The following POLR2B variants were observed in gnomAD, a reference collection of about 807,000 sequenced individuals.
POLR2B encodes the protein RNA polymerase II subunit B.
In POLR2B, 57 loss-of-function variants were observed where a neutral mutation model predicts 144.6. The ratio of observed to expected loss-of-function variants is 0.39; its 90% CI spans 0.32 to 0.49. The LOEUF is 0.49. POLR2B is among the 20% of genes least tolerant of loss of function. The pLI, the probability that POLR2B is intolerant of heterozygous loss-of-function variation, is 0.83. For missense variants in POLR2B, 595 were observed against 1,467.4 expected (o/e 0.41, Z 9.71); for synonymous variants, 442 against 469.8 (o/e 0.94, Z 0.77).
At chr4:57,001,608 A>T (rs1195039242) in intron 7 of POLR2B, among the ~76,000 whole-genome samples, 2 of 152,208 alleles carry the variant, frequency 1.3e-5, no homozygotes, top group African/African-American at 4.8e-5. Flanking sequence ...TACTTAAGTA[A>T]TATTATATGC....
At chr4:57,001,295 A>C (rs2109674557) in intron 7 of POLR2B, among the ~76,000 whole-genome samples, 1 of 151,972 alleles carries the variant, frequency 6.6e-6, no homozygotes, top group South Asian at 2.1e-4. Context: ...AGTAGCTGGG[A>C]TTACAGGCAC....
Position 57,023,234 on chromosome 4 carries a change from T to C in POLR2B, c.2516-96T>C. Reference sequence around the variant, plus strand: ...AGGGTGTGATTCATGGTATAGAGACTCCTGTGGCCTTCTCTCTGACTTGGA... The same window carrying C: ...AGGGTGTGATTCATGGTATAGAGACCCCTGTGGCCTTCTCTCTGACTTGGA... On this transcript the variant is annotated intron_variant, in intron 18 of 24. Coordinates refer to ENST00000314595, the MANE Select transcript of POLR2B (RefSeq NM_000938.3). The surrounding 1 kb of genome is among the most constrained non-coding windows in gnomAD (Gnocchi z 4.3). 8.8e-7 allele frequency: 1 copy of C among 1,137,592 alleles called. No homozygotes were observed. The highest frequency in any genetic ancestry group is 1.3e-6 in the Non-Finnish European group (1 of 775,378). 70.5% of individuals were successfully genotyped at this position (1,137,592 alleles called of 1,614,324 possible). A position where few individuals can be genotyped will look rare whatever the true frequency, so the allele number is the denominator to read the frequency against.
At chr4:57,007,364 G>A (rs1723054700) in intron 10 of POLR2B, among the ~76,000 whole-genome samples, 1 of 151,992 alleles carries the variant, frequency 6.6e-6, no homozygotes, top group Non-Finnish European at 1.5e-5. Flanking sequence ...GCAGTGAGCT[G>A]AGATCATGCC....
chr4:56,986,443 C>T lies in POLR2B; in HGVS notation c.92+17C>T. ...TGTAATCAGGTAACTTTGGACCAAA[C>T]TGAATTAGCCTGAAAAGGCACTTTA... is the stretch of plus-strand genomic sequence containing the variant. On this transcript the variant is annotated intron_variant, in intron 2 of 24. Coordinates refer to ENST00000314595, the MANE Select transcript of POLR2B (RefSeq NM_000938.3). 6.5e-7 allele frequency: 1 copy of T among 1,527,522 alleles called. No homozygotes were observed. The highest frequency in any genetic ancestry group is 9.1e-7 in the Non-Finnish European group (1 of 1,102,224). 94.6% of individuals were successfully genotyped at this position (1,527,522 alleles called of 1,614,324 possible). A position where few individuals can be genotyped will look rare whatever the true frequency, so the allele number is the denominator to read the frequency against.
chr4:57,007,448 T>C (rs1032340434), intron 10 of POLR2B, among the ~76,000 whole-genome samples: 3 of 152,122 alleles, frequency 2.0e-5, no homozygotes, highest in Admixed American at 6.6e-5. Flanking sequence ...CTGGGGACTT[T>C]TGAATTATGA....
chr4:56,998,343 G>A (rs1015280287), intron 6 of POLR2B, among the ~76,000 whole-genome samples: 13 of 151,506 alleles, frequency 8.6e-5, no homozygotes, highest in African/African-American at 3.2e-4. Flanking sequence ...GATTACAGGC[G>A]TGTGCCACCA....
chr4:57,006,574 G>T (rs1723025246), intron 9 of POLR2B, among the ~76,000 whole-genome samples: 1 of 152,076 alleles, frequency 6.6e-6, no homozygotes, highest in Admixed American at 6.6e-5. Flanking sequence ...CAAAGTGCTG[G>T]GATTACAGAT....
intron 3 of POLR2B, among the ~76,000 whole-genome samples, chr4:56,991,510 T>C (rs960461238): frequency 6.6e-6 from 1 of 152,162 alleles, no homozygotes; most frequent in Non-Finnish European, 1.5e-5. Context: ...TTGGAACATA[T>C]TGGACTTTGA....
intron 10 of POLR2B, chr4:57,009,613 A>C (rs1376255776): frequency 6.6e-6 from 1 of 152,164 alleles, no homozygotes; most frequent in African/African-American, 2.4e-5. Context: ...GGTTTTTTAG[A>C]ATATTTGAAA....
Position 56,979,149 on chromosome 4 carries a change from G to A in POLR2B, c.19+145G>A. 19 of 854,600 alleles carry A rather than the reference G, an allele frequency of 2.2e-5. 1 individual carries two copies. The South Asian group carries it at 2.6e-4, about 12-fold the overall frequency. 52.9% of individuals were successfully genotyped at this position (854,600 alleles called of 1,614,324 possible). A position where few individuals can be genotyped will look rare whatever the true frequency, so the allele number is the denominator to read the frequency against. ...TTCCCACACTTACCAGGCCGGGAAC[G>A]AAACTGGGGTAGGGAGAGGCGGAGG... On this transcript the variant is annotated intron_variant, in intron 1 of 24. Coordinates refer to ENST00000314595, the MANE Select transcript of POLR2B (RefSeq NM_000938.3).
intron 6 of POLR2B, among the ~76,000 whole-genome samples, chr4:56,995,970 A>C (rs1578565263): frequency 6.6e-6 from 1 of 152,190 alleles, no homozygotes; most frequent in Admixed American, 6.5e-5. Flanking sequence ...GTTGCAAGTC[A>C]GTATGTCCAG....
At chr4:57,007,995 A>G (rs1723074779) in intron 10 of POLR2B, among the ~76,000 whole-genome samples, 1 of 152,182 alleles carries the variant, frequency 6.6e-6, no homozygotes, top group Non-Finnish European at 1.5e-5. Flanking sequence ...AGCAAAGTTA[A>G]TATTTAAATT....
Position 57,023,372 on chromosome 4 carries a change from T to G in POLR2B, c.2558T>G (p.Leu853Trp). Residue 853 changes from leucine to tryptophan, a missense_variant, in exon 19 of 25, where the codon TTG (leucine) becomes TGG (tryptophan). Around this residue, in one of 9 missense-constraint regions of POLR2B, gnomAD observed 75 missense variants for 100.0 expected, o/e 0.75. Transcript: ENST00000314595. The surrounding 1 kb of genome is among the most constrained non-coding windows in gnomAD (Gnocchi z 4.3). ...TACGACAAGCTGGATGATGATGGTT[T>G]GATAGCTCCAGGGGTTCGTGTATCA... ...AIYDKLDDDG[L>W]IAPGVRVSGD... The G allele has an allele frequency of 6.2e-7, 1 of 1,614,006 alleles. No individual in the cohort carries two copies. Among genetic ancestry groups the G allele is most frequent in the Non-Finnish European group, 8.5e-7 (1 of 1,179,884 alleles).
rs368976436 is a variant in POLR2B, at chr4:57,005,413, T to C, written c.1068T>C (p.Phe356=). 33 of 1,593,448 alleles carry C rather than the reference T, an allele frequency of 2.1e-5. No homozygotes were observed. The highest frequency in any genetic ancestry group is 2.6e-5 in the Non-Finnish European group (31 of 1,173,932). ...TCCCTCATGTTGGTGTCAGTGATTT[T>C]TGTGAGACCAAAAAAGCCTATTTCT... ...EMLPHVGVSD[F]CETKKAYFLG... is the part of the protein sequence containing the mutation. The change falls in exon 8 of 25, where the codon TTT becomes TTC. Residue 356 remains phenylalanine, a synonymous_variant. Coordinates refer to ENST00000314595, the MANE Select transcript of POLR2B (RefSeq NM_000938.3).
chr4:56,991,802 G>A (rs1186645511), intron 3 of POLR2B, among the ~76,000 whole-genome samples: 1 of 152,024 alleles, frequency 6.6e-6, no homozygotes, highest in Non-Finnish European at 1.5e-5. Flanking sequence ...GTCTATAGGT[G>A]CCCACCACCA....
chr4:57,016,807 G>A (rs1299814356), intron 14 of POLR2B, among the ~76,000 whole-genome samples: 1 of 149,346 alleles, frequency 6.7e-6, no homozygotes, highest in African/African-American at 2.4e-5. Context: ...ACAGTTAGGT[G>A]TGTATTCTTC....
intron 23 of POLR2B, among the ~76,000 whole-genome samples, chr4:57,027,354 C>A (rs1336724665): frequency 6.6e-6 from 1 of 151,852 alleles, no homozygotes; most frequent in Non-Finnish European, 1.5e-5. Flanking sequence ...GTTGCCTAGG[C>A]TGGAGTGTGG....
intron 10 of POLR2B, among the ~76,000 whole-genome samples, chr4:57,009,265 G>T (rs1486289023): frequency 6.6e-6 from 1 of 152,210 alleles, no homozygotes; most frequent in Non-Finnish European, 1.5e-5. Flanking sequence ...ATTTCACCAG[G>T]CAGAGCAGAG....
intron 6 of POLR2B, among the ~76,000 whole-genome samples, chr4:56,998,455 C>T (rs1722757136): frequency 6.6e-6 from 1 of 152,218 alleles, no homozygotes; most frequent in African/African-American, 2.4e-5. Context: ...CCTTGGCCTC[C>T]CAGAGTGCTG....
Sources: gnomAD v4.1 joint callset for allele counts (sites outside exome capture counted in the v4.1 genomes callset) on GRCh38, gnomAD v4.1.1 for gene constraint, gnomAD v4.1.1 regional missense constraint, Gnocchi (gnomAD v3.1) non-coding constraint, MANE v1.5 for transcripts, NCBI Gene and HGNC (gene_info 2026-07-23, HGNC 2026-07-21) for gene names.